Variants in SYNE2 observed in about 807,000 individuals in gnomAD.
SYNE2 encodes the protein nesprin-2.
In SYNE2, 431 loss-of-function variants were observed where a neutral mutation model predicts 856.3. The observed-to-expected ratio is 0.50, with a 90% CI of 0.47 to 0.55. SYNE2 has a LOEUF of 0.55. Ranked by LOEUF, SYNE2 falls within the 20% of genes least tolerant of loss-of-function variation. The probability of loss-of-function intolerance (pLI) is 0.00; values close to 1 mark genes in which losing one functional copy is unlikely to be tolerated. For synonymous variants in SYNE2, 2,923 were observed against 2,872.3 expected (o/e 1.02, Z -0.56); for missense variants, 8,129 against 8,023.2 (o/e 1.01, Z -0.50).
chr14:64,129,805 G>A lies in SYNE2; in HGVS notation c.14043G>A (p.Glu4681=). The change falls in exon 75 of 116, where the codon GAG becomes GAA. Residue 4681 remains glutamate (E), a synonymous_variant. Coordinates refer to ENST00000555002, the MANE Select transcript of SYNE2 (RefSeq NM_182914.3). ...AGAAAGCAGATGCATATACAGTGGAGCTGGAGAACGCCGAGAGCCGAGTGG... is the reference window on the plus strand; with the variant it reads ...AGAAAGCAGATGCATATACAGTGGAACTGGAGAACGCCGAGAGCCGAGTGG... ...QLQKADAYTV[E]LENAESRVAK... The A allele has an allele frequency of 4.3e-6, 7 of 1,614,178 alleles. No individual in the cohort carries two copies. The highest frequency in any genetic ancestry group is 5.9e-6 in the Non-Finnish European group (7 of 1,180,036).
chr14:64,211,690 C>A (rs908192968), intron 103 of SYNE2, among the ~76,000 whole-genome samples: 2 of 152,180 alleles, frequency 1.3e-5, no homozygotes, highest in Non-Finnish European at 2.9e-5. Context: ...CCTCAGAGAC[C>A]ATAATCAACA....
upstream of SYNE2, chr14:63,848,507 T>C (rs564680107): frequency 6.6e-6 from 1 of 152,366 alleles, no homozygotes; most frequent in Admixed American, 6.5e-5. Flanking sequence ...AGCAATATGA[T>C]TAATGCATCA....
intron 95 of SYNE2, among the ~76,000 whole-genome samples, chr14:64,176,779 T>TTTTATTTATTTATTTA (rs370375972): frequency 1.3e-5 from 2 of 150,372 alleles, no homozygotes; most frequent in Admixed American, 6.6e-5. Flanking sequence ...ACTTTTTTAT[T>TTTTATTTATTTATTTA]TTTATTTATT....
rs201834981 is a variant in SYNE2 at position 64,070,851 on chromosome 14, G to A, written c.10638G>A (p.Gly3546=). Residue 3546 remains glycine (G), a synonymous_variant, in exon 52 of 116, where the codon GGG becomes GGA. Coordinates refer to ENST00000555002, the MANE Select transcript of SYNE2 (RefSeq NM_182914.3). The stretch of plus-strand genomic sequence containing the variant: ...TCCAGAATGTTCCTGAAAGCTCAGG[G>A]GCTGTGGAAACTGTTCCAGCATTTC... ...RSIQNVPESS[G]AVETVPAFQE... 2.5e-6 allele frequency: 4 copies of A among 1,614,068 alleles called. No homozygotes were observed. The African/African-American group carries it at 4.0e-5, about 16-fold the overall frequency.
Position 63,927,509 on chromosome 14 carries a change from G to C in SYNE2, c.80-13105G>C, listed in dbSNP as rs117971733. On this transcript the variant is annotated intron_variant, in intron 2 of 115. Coordinates refer to ENST00000555002, the MANE Select transcript of SYNE2 (RefSeq NM_182914.3). Reference sequence around the variant, plus strand: ...GTGCAGCTTCCCCCATACTATTCTCGTGATAATGAATAAGTCTCATGAGAT... The same window carrying C: ...GTGCAGCTTCCCCCATACTATTCTCCTGATAATGAATAAGTCTCATGAGAT... 1.7e-4 allele frequency among the ~76,000 whole-genome samples: 26 copies of C among 152,284 alleles called. No homozygotes were observed. In the East Asian group the frequency reaches 2.5e-3, roughly 15 times the overall value.
At chr14:63,842,739 C>T (rs1962070) in intron 1 of SYNE2, among the ~76,000 whole-genome samples, 68,787 of 152,008 alleles carry the variant, frequency 0.45, 16,534 homozygotes, top group South Asian at 0.55. Context: ...GGATTATAGG[C>T]GTGAGCCACT....
intron 38 of SYNE2, chr14:64,023,620 G>A (rs1273644647): frequency 1.9e-5 from 3 of 154,360 alleles, no homozygotes; most frequent in East Asian, 1.9e-4. Context: ...AGGATATCCT[G>A]AAATGAAAGG....
At chr14:64,193,707 G>A (rs191848208) in intron 99 of SYNE2, among the ~76,000 whole-genome samples, 4 of 152,298 alleles carry the variant, frequency 2.6e-5, no homozygotes, top group Admixed American at 2.6e-4. Context: ...ATGGGATTTA[G>A]GATAGGCTTC....
At chr14:64,140,793 A>G (rs2098132875) in intron 80 of SYNE2, among the ~76,000 whole-genome samples, 1 of 152,104 alleles carries the variant, frequency 6.6e-6, no homozygotes, top group African/African-American at 2.4e-5. Flanking sequence ...ATATCCCCCA[A>G]ATTTTGGGGG....
chr14:63,977,198 A>C (rs1224917661), intron 12 of SYNE2, among the ~76,000 whole-genome samples: 1 of 152,142 alleles, frequency 6.6e-6, no homozygotes, highest in Non-Finnish European at 1.5e-5. Context: ...AAATGTTCAG[A>C]TTTAAAACAT....
chr14:64,220,742 G>A, intron 111 of SYNE2, 105 bp downstream of exon 111: 2 of 1,326,436 alleles, frequency 1.5e-6, no homozygotes, highest in Middle Eastern at 2.5e-4. Context: ...GCAGCCAAAT[G>A]TGGCTGGTGT....
chr14:63,805,483 T>A (rs1190564750), intron 1 of SYNE2, among the ~76,000 whole-genome samples: 1 of 152,112 alleles, frequency 6.6e-6, no homozygotes, highest in Non-Finnish European at 1.5e-5. Flanking sequence ...GCCTCCCGGG[T>A]TCACGCCATT....
In SYNE2 at chr14:64,080,547, C is replaced by G. The variant is rs1435842315; in HGVS notation, c.11255C>G (p.Ala3752Gly). The G allele has an allele frequency of 3.1e-6, 5 of 1,614,094 alleles. No individual in the cohort carries two copies. Among genetic ancestry groups the G allele is most frequent in the South Asian group, 1.1e-5 (1 of 91,080 alleles). ...QDIVEQDPGQ[A>G]QEWMDNLMIP... is the part of the protein sequence containing the mutation. ...ATTGTTGAACAGGACCCAGGACAGG[C>G]TCAAGAATGGATGGATAACTTGATG... Residue 3752 changes from alanine to glycine, a missense_variant, in exon 56 of 116, where the codon GCT (alanine) becomes GGT (glycine). Coordinates refer to ENST00000555002, the MANE Select transcript of SYNE2 (RefSeq NM_182914.3).
Position 64,216,231 on chromosome 14 carries a change from G to C in SYNE2, c.19403-17G>C. 1 of 1,613,968 alleles carries C rather than the reference G, an allele frequency of 6.2e-7. No homozygotes were observed. The highest frequency in any genetic ancestry group is 8.5e-7 in the Non-Finnish European group (1 of 1,180,040). ...AGTAGGAGAGAATAGACTGTCGCTTGCTGTCTTTCGTTTCAGGTAAATCCA... is the reference window on the plus strand; with the variant it reads ...AGTAGGAGAGAATAGACTGTCGCTTCCTGTCTTTCGTTTCAGGTAAATCCA... On this transcript the variant is annotated splice_polypyrimidine_tract_variant and intron_variant, in intron 107 of 115. Transcript: ENST00000555002.
chr14:64,132,594 C>T (rs149229466), intron 77 of SYNE2, among the ~76,000 whole-genome samples, 156 bp downstream of exon 77: 7 of 152,238 alleles, frequency 4.6e-5, no homozygotes, highest in Admixed American at 1.3e-4. Context: ...GTTCTGAGGC[C>T]GCTCCCTGAA....
chr14:64,017,790 G>C, intron 34 of SYNE2, 34 bp downstream of exon 34: 1 of 1,604,248 alleles, frequency 6.2e-7, no homozygotes, highest in Non-Finnish European at 8.5e-7. Context: ...GCTTTTCTTG[G>C]TACACAATTG....
At chr14:63,840,777 C>G (rs1890040519) in intron 1 of SYNE2, among the ~76,000 whole-genome samples, 1 of 152,084 alleles carries the variant, frequency 6.6e-6, no homozygotes, top group Admixed American at 6.6e-5. Flanking sequence ...CTTTGGGAGG[C>G]CGAGGCAGGC....
At chr14:63,779,008 G>A (rs899627330) in intron 1 of SYNE2, among the ~76,000 whole-genome samples, 22 of 151,982 alleles carry the variant, frequency 1.4e-4, no homozygotes, top group African/African-American at 4.6e-4. Context: ...AGTAAAGCTG[G>A]GAGGGAAGAA....
At chr14:64,202,102 G>C in intron 99 of SYNE2, 1 of 685,122 alleles carries the variant, frequency 1.5e-6, no homozygotes, top group Non-Finnish European at 2.7e-6. Flanking sequence ...GAGTTGGGCC[G>C]GATGGGAGCT....
Sources: allele counts gnomAD v4.1 joint callset (sites outside exome capture counted in the v4.1 genomes callset), GRCh38; gene constraint gnomAD v4.1.1; transcripts MANE v1.5; gene names NCBI Gene and HGNC (gene_info 2026-07-23, HGNC 2026-07-21).